The following CLIC4 variants were observed in gnomAD, a reference collection of about 807,000 sequenced individuals.
The protein encoded by CLIC4 is CLIC family member 4, also known as chloride intracellular channel protein 4.
Under a neutral mutation model 24.6 loss-of-function variants are expected in CLIC4, and 13 were observed. That is an observed-to-expected ratio of 0.53 (90% confidence interval 0.34 to 0.84). CLIC4 has a LOEUF of 0.84. Among genes scored for constraint, CLIC4 ranks in the 40% least tolerant of loss-of-function variants. The pLI is 0.01. For synonymous variants in CLIC4, 104 were observed against 111.3 expected (o/e 0.93, Z 0.41); for missense variants, 227 against 301.7 (o/e 0.75, Z 1.83).
chr1:24,821,828 T>G (rs577114763), intron 3 of CLIC4, among the ~76,000 whole-genome samples: 3 of 152,304 alleles, frequency 2.0e-5, no homozygotes, highest in Admixed American at 2.0e-4. Flanking sequence ...TCAAGCCATC[T>G]GCCCACCTCA....
At chr1:24,840,394 A>G (rs1639930930) in intron 5 of CLIC4, among the ~76,000 whole-genome samples, 1 of 152,230 alleles carries the variant, frequency 6.6e-6, no homozygotes. Context: ...CATTTATTAT[A>G]TGAGACACTG....
chr1:24,796,985 C>T (rs1466307170), intron 1 of CLIC4, among the ~76,000 whole-genome samples: 7 of 148,618 alleles, frequency 4.7e-5, no homozygotes, highest in Middle Eastern at 3.4e-3. Flanking sequence ...GACAGAGTCT[C>T]GCTCTGTCGC....
intron 2 of CLIC4, among the ~76,000 whole-genome samples, chr1:24,807,636 G>C (rs1639566155): frequency 6.6e-6 from 1 of 152,086 alleles, no homozygotes; most frequent in African/African-American, 2.4e-5. Context: ...GGGTGGAGCA[G>C]GTAATCGAAA....
At chr1:24,807,736 A>T (rs539539897) in intron 2 of CLIC4, among the ~76,000 whole-genome samples, 1 of 152,170 alleles carries the variant, frequency 6.6e-6, no homozygotes, top group Non-Finnish European at 1.5e-5. Context: ...GAAATTTAGA[A>T]CTCATATCTA....
At chr1:24,765,018 A>G (rs1304431597) in intron 1 of CLIC4, among the ~76,000 whole-genome samples, 1 of 152,210 alleles carries the variant, frequency 6.6e-6, no homozygotes, top group Non-Finnish European at 1.5e-5. Flanking sequence ...GGCGTACTAT[A>G]CACAATTATC....
rs41292295 is a variant in CLIC4 at position 24,826,938 on chromosome 1, A to C, written c.309-72A>C. ...TAAAAGACGTCTAGTAACTGCTAGC[A>C]TGGTGGTTTGAGAGAACTTATGCTA... is the stretch of plus-strand genomic sequence containing the variant. On this transcript the variant is annotated intron_variant, in intron 3 of 5. Coordinates refer to ENST00000374379, the MANE Select transcript of CLIC4 (RefSeq NM_013943.3). 9.1e-3 allele frequency: 8,867 copies of C among 976,950 alleles called. 78 individuals carry two copies. Among genetic ancestry groups the C allele is most frequent in the South Asian group, 0.02 (1,333 of 65,932 alleles). The allele number at this position is 976,950 out of a possible 1,614,324, so 60.5% of individuals were successfully genotyped here.
chr1:24,798,736 G>T (rs992892025), intron 2 of CLIC4, among the ~76,000 whole-genome samples: 2 of 152,106 alleles, frequency 1.3e-5, no homozygotes, highest in Non-Finnish European at 2.9e-5. Flanking sequence ...CCGCCATCTC[G>T]GCTCACTGCA....
At chr1:24,777,537 AAAG>A (rs1287354519) in intron 1 of CLIC4, among the ~76,000 whole-genome samples, 1 of 152,174 alleles carries the variant, frequency 6.6e-6, no homozygotes, top group Non-Finnish European at 1.5e-5. Context: ...GAGCAAAAAA[AAAG>A]AACAAATAGT....
At position 24,745,487 on chromosome 1, in the gene CLIC4, G is replaced by T. The variant is rs1350248777; in HGVS notation, c.-67G>T. On this transcript the variant is annotated 5_prime_UTR_variant, in exon 1 of 6. Transcript: ENST00000374379. ...ACGGCGGGAACCGGCAGCCGGAGCA[G>T]TCCCGGAGCAGAAGCAGCAGCAGCA... 5.5e-6 allele frequency: 8 copies of T among 1,456,562 alleles called. No individual in the cohort carries two copies. The highest frequency in any genetic ancestry group is 5.6e-6 in the Non-Finnish European group (6 of 1,073,446). 90.2% of individuals were successfully genotyped at this position (1,456,562 alleles called of 1,614,324 possible). A position where few individuals can be genotyped will look rare whatever the true frequency, so the allele number is the denominator to read the frequency against.
At chr1:24,774,176 G>A (rs184432674) in intron 1 of CLIC4, among the ~76,000 whole-genome samples, 19 of 152,026 alleles carry the variant, frequency 1.2e-4, no homozygotes, top group South Asian at 1.0e-3. Context: ...GGGTTTCACC[G>A]TGTTGCCCAG....
intron 3 of CLIC4, among the ~76,000 whole-genome samples, chr1:24,819,849 C>G: frequency 6.8e-6 from 1 of 147,802 alleles, no homozygotes. Flanking sequence ...AAGCGATTCT[C>G]CTGCCTCAGT....
At chr1:24,807,265 C>T (rs933880158) in intron 2 of CLIC4, among the ~76,000 whole-genome samples, 1 of 151,298 alleles carries the variant, frequency 6.6e-6, no homozygotes. Flanking sequence ...CCCGACCTAC[C>T]CCTTTGGGTT....
intron 2 of CLIC4, among the ~76,000 whole-genome samples, chr1:24,804,591 G>A (rs1639527806): frequency 6.6e-6 from 1 of 151,056 alleles, no homozygotes; most frequent in Non-Finnish European, 1.5e-5. Flanking sequence ...ATGTGTGTGT[G>A]TGTGTGATTG....
chr1:24,748,452 G>C (rs1357037596), intron 1 of CLIC4, among the ~76,000 whole-genome samples: 1 of 144,638 alleles, frequency 6.9e-6, no homozygotes, highest in African/African-American at 2.6e-5. Context: ...CTGCTACCCA[G>C]TGATTCAACA....
chr1:24,772,366 A>G (rs916284400), intron 1 of CLIC4, among the ~76,000 whole-genome samples: 2 of 152,210 alleles, frequency 1.3e-5, no homozygotes, highest in Non-Finnish European at 2.9e-5. Flanking sequence ...CTGCTATGTT[A>G]TACTCTTCAG....
chr1:24,750,773 C>G (rs1314963590), intron 1 of CLIC4, among the ~76,000 whole-genome samples: 1 of 152,126 alleles, frequency 6.6e-6, no homozygotes, highest in East Asian at 1.9e-4. Context: ...ATTAGTAGAA[C>G]AGTCCTATGG....
intron 1 of CLIC4, among the ~76,000 whole-genome samples, chr1:24,789,799 A>C (rs1292207823): frequency 6.7e-6 from 1 of 149,488 alleles, no homozygotes; most frequent in African/African-American, 2.5e-5. Context: ...TTTTTTGCTG[A>C]GGCTTTCTGT....
chr1:24,807,020 G>A (rs1319010610), intron 2 of CLIC4, among the ~76,000 whole-genome samples: 3 of 151,936 alleles, frequency 2.0e-5, no homozygotes, highest in African/African-American at 4.8e-5. Context: ...TTTGGGAGCC[G>A]GGTGCAGTGG....
At chr1:24,801,789 A>AAAT (rs1426986210) in intron 2 of CLIC4, among the ~76,000 whole-genome samples, 1 of 152,210 alleles carries the variant, frequency 6.6e-6, no homozygotes, top group Non-Finnish European at 1.5e-5. Flanking sequence ...ACAGACTTTA[A>AAAT]AATTTATTGA....
Sources: gnomAD v4.1 joint callset for allele counts (sites outside exome capture counted in the v4.1 genomes callset) on GRCh38, gnomAD v4.1.1 for gene constraint, MANE v1.5 for transcripts, NCBI Gene and HGNC (gene_info 2026-07-23, HGNC 2026-07-21) for gene names.